The following NELFA variants were observed in gnomAD, a reference collection of about 807,000 sequenced individuals.
NELFA encodes negative elongation factor complex member A, also known as negative elongation factor A.
Under a neutral mutation model 51.8 loss-of-function variants are expected in NELFA, and 35 were observed. The ratio of observed to expected loss-of-function variants is 0.68; its 90% CI spans 0.52 to 0.90. The LOEUF (loss-of-function observed/expected upper bound fraction) is 0.90. Ranked by LOEUF, NELFA falls within the 40% of genes least tolerant of loss-of-function variation. NELFA has a pLI of 0.00. For missense variants in NELFA, 658 were observed against 746.4 expected, an observed-to-expected ratio of 0.88 and a Z score of 1.38; for synonymous variants, 417 against 338.4, an observed-to-expected ratio of 1.23 and a Z score of -2.55.
At chr4:2,008,040 C>T (rs1402372477) in intron 1 of NELFA, 2 of 456,778 alleles carry the variant, frequency 4.4e-6, no homozygotes, top group East Asian at 6.9e-5. Flanking sequence ...CTCCGGACGG[C>T]CGGGGTCTTT....
intron 1 of NELFA, among the ~76,000 whole-genome samples, chr4:2,007,810 A>G (rs1728748603): frequency 6.6e-6 from 1 of 152,166 alleles, no homozygotes; most frequent in African/African-American, 2.4e-5. Context: ...GTCATATCTC[A>G]ATCAAAAGCA....
intron 1 of NELFA, among the ~76,000 whole-genome samples, chr4:1,995,936 G>T (rs896437137): frequency 1.7e-4 from 26 of 151,268 alleles, no homozygotes; most frequent in African/African-American, 6.3e-4. Context: ...TACTTGGGAG[G>T]CTGAGGAATT....
At chr4:1,990,164 G>A in intron 2 of NELFA, 1 of 461,262 alleles carries the variant, frequency 2.2e-6, no homozygotes. Flanking sequence ...AGTGATTCCT[G>A]GAGGGCTCCA....
At chr4:1,987,814 G>A in intron 4 of NELFA, 104 bp downstream of exon 4, 3 of 962,054 alleles carry the variant, frequency 3.1e-6, no homozygotes, top group Non-Finnish European at 4.6e-6. Flanking sequence ...GCTGCCTGAA[G>A]ACCATTCACA....
At chr4:2,003,694 C>A (rs373995638) in intron 1 of NELFA, 1 of 152,012 alleles carries the variant, frequency 6.6e-6, no homozygotes, top group African/African-American at 2.4e-5. Context: ...AGAACACATG[C>A]ACACAGAGAG....
At position 1,989,138 on chromosome 4, in the gene NELFA, G is replaced by T. The variant is rs1728197146; in HGVS notation, c.544+570C>A. Among the ~76,000 whole-genome samples the T allele has an allele frequency of 6.6e-6, 1 of 151,874 alleles. No individual in the cohort carries two copies. The highest frequency in any genetic ancestry group is 2.4e-5 in the African/African-American group (1 of 41,304). ...TTTTTGTATTTTTAGTAGAGACGGG[G>T]TTTCACCATGTGGGCCAGGCTGGTC... On this transcript the variant is annotated intron_variant, in intron 3 of 10. Coordinates refer to ENST00000382882, the MANE Select transcript of NELFA (RefSeq NM_005663.5). This position sits in a 1 kb window ranked among gnomAD's most constrained non-coding sequence, Gnocchi z 4.8.
intron 1 of NELFA, among the ~76,000 whole-genome samples, chr4:1,992,827 T>G (rs1259246272): frequency 6.6e-6 from 1 of 152,188 alleles, no homozygotes. Flanking sequence ...GCCTGCCTGC[T>G]GCCAAGCCCC....
intron 1 of NELFA, among the ~76,000 whole-genome samples, chr4:1,993,795 C>CT (rs1202916976): frequency 0.03 from 3,553 of 118,908 alleles, 99 homozygotes; most frequent in African/African-American, 0.059. Context: ...TCCCCTGGGC[C>CT]TTTTTTTTTT....
intron 1 of NELFA, among the ~76,000 whole-genome samples, chr4:2,006,153 CAAA>C (rs1237340177): frequency 6.6e-6 from 1 of 152,058 alleles, no homozygotes; most frequent in African/African-American, 2.4e-5. Context: ...TGTAAATGAC[CAAA>C]AGAACAGAGC....
chr4:1,986,124 C>T lies in NELFA; in HGVS notation c.825G>A (p.Arg275=). The T allele has an allele frequency of 6.4e-7, 1 of 1,552,308 alleles. No homozygotes were observed. The highest frequency in any genetic ancestry group is 8.7e-7 in the Non-Finnish European group (1 of 1,147,502). The change falls in exon 6 of 11, where the codon AGG becomes AGA. Residue 275 remains arginine (R), a synonymous_variant. Coordinates refer to ENST00000382882, the MANE Select transcript of NELFA (RefSeq NM_005663.5). ...VGAGREAKRR[R]KTLDAEVVEK... is the part of the protein sequence containing the mutation. ...GGCCCCAACCCCCACCGAGAGTCTT[C>T]CTTCTCCGCTTCGCCTCTCGGCCAG...
intron 1 of NELFA, among the ~76,000 whole-genome samples, chr4:2,000,992 C>T (rs576478553): frequency 2.6e-4 from 40 of 152,290 alleles, no homozygotes; most frequent in Admixed American, 9.8e-4. Flanking sequence ...GTTCAACATA[C>T]GCAAATCAAC....
chr4:1,987,844 G>C (rs775994140), intron 4 of NELFA, 74 bp downstream of exon 4: 4 of 1,277,432 alleles, frequency 3.1e-6, no homozygotes, highest in Non-Finnish European at 4.3e-6. Flanking sequence ...TCCCCAACAG[G>C]GAGCGGGTCT....
At chr4:2,001,444 C>T (rs1728563745) in intron 1 of NELFA, among the ~76,000 whole-genome samples, 1 of 152,186 alleles carries the variant, frequency 6.6e-6, no homozygotes, top group African/African-American at 2.4e-5. Context: ...GCAACTTCAG[C>T]AAAGTCCGAG....
chr4:1,984,275 A>T (rs1277562762), intron 8 of NELFA, among the ~76,000 whole-genome samples, 162 bp from the exon 9 acceptor site: 1 of 152,144 alleles, frequency 6.6e-6, no homozygotes, highest in East Asian at 1.9e-4. Context: ...CAGAAGCCCC[A>T]GCCAGAGGAA....
At chr4:1,986,093 C>A (rs999616765) in intron 6 of NELFA, 21 bp downstream of exon 6, 1 of 1,548,986 alleles carries the variant, frequency 6.5e-7, no homozygotes, top group South Asian at 1.2e-5. Context: ...TTGCCGCCGA[C>A]ACGCAGGCCC....
rs1727944204 is a variant in NELFA at position 1,983,142 on chromosome 4, A to G, written c.*177T>C. 1 of 524,158 alleles carries G rather than the reference A, an allele frequency of 1.9e-6. No homozygotes were observed. The highest frequency in any genetic ancestry group is 3.2e-6 in the Non-Finnish European group (1 of 307,930). The allele number at this position is 524,158 out of a possible 1,614,324, so 32.5% of individuals were successfully genotyped here. On this transcript the variant is annotated 3_prime_UTR_variant, in exon 11 of 11. Coordinates refer to ENST00000382882, the MANE Select transcript of NELFA (RefSeq NM_005663.5). ...AAGAACCCATATTAAAATTTTAAAA[A>G]TAAGCCCCAAATACCCCAGAGAAAT...
rs1267914836 is a variant in NELFA at position 2,005,054 on chromosome 4, C to T, written c.210+3696G>A. 5.3e-5 allele frequency among the ~76,000 whole-genome samples: 8 copies of T among 151,710 alleles called. No individual in the cohort carries two copies. In the East Asian group the frequency reaches 7.7e-4, roughly 15 times the overall value. On this transcript the variant is annotated intron_variant, in intron 1 of 10. Transcript: ENST00000382882. ...CGATCTCCTGGCCTCGTGATCCGCC[C>T]GCCTCGGCCTCCCAAAGTGCTGGGA...
intron 1 of NELFA, chr4:2,007,999 G>A (rs1284742003): frequency 4.4e-6 from 2 of 456,922 alleles, no homozygotes; most frequent in African/African-American, 4.0e-5. Flanking sequence ...GCAAAACGGC[G>A]TGTAGAAAAG....
chr4:1,986,400 G>A lies in NELFA; in HGVS notation c.637C>T (p.Pro213Ser). 6.2e-7 allele frequency: 1 copy of A among 1,612,506 alleles called. No homozygotes were observed. Among genetic ancestry groups the A allele is most frequent in the Non-Finnish European group, 8.5e-7 (1 of 1,179,524 alleles). Residue 213 changes from proline to serine, a missense_variant and splice_region_variant, in exon 5 of 11, where the codon CCA becomes TCA. Around this residue, in one of 3 missense-constraint regions of NELFA, gnomAD observed 371 missense variants for 448.3 expected, o/e 0.83. Transcript: ENST00000382882. ...GLLRKMDTTTPLKGIPKQAPF... is the reference protein window; with the variant it reads ...GLLRKMDTTTSLKGIPKQAPF... ...GCCTGCTTCGGGATGCCTTTGAGTG[G>A]GGCTGGAGGACGGCAACAGTCAGGG...
Sources: gnomAD v4.1 joint callset for allele counts (sites outside exome capture counted in the v4.1 genomes callset) on GRCh38, gnomAD v4.1.1 for gene constraint, gnomAD v4.1.1 regional missense constraint, Gnocchi (gnomAD v3.1) non-coding constraint, MANE v1.5 for transcripts, NCBI Gene and HGNC (gene_info 2026-07-23, HGNC 2026-07-21) for gene names.